The following BLOC1S1 variants were observed in gnomAD, a reference collection of about 807,000 sequenced individuals.
BLOC1S1 encodes biogenesis of lysosome-related organelles complex 1 subunit 1.
BLOC1S1 carries 11 observed loss-of-function variants against 19.0 expected under a neutral mutation model. That is an observed-to-expected ratio of 0.58 (90% CI 0.37 to 0.96). BLOC1S1 has a LOEUF of 0.96. BLOC1S1 is among the 40% of genes least tolerant of loss of function. The probability of loss-of-function intolerance (pLI) is 0.01; values close to 1 mark genes in which losing one functional copy is unlikely to be tolerated. For missense variants in BLOC1S1, 220 were observed against 195.9 expected (o/e 1.12, Z -0.73); for synonymous variants, 94 against 76.4 (o/e 1.23, Z -1.20).
At chr12:55,718,301 G>A (rs1876723987) in intron 2 of BLOC1S1, among the ~76,000 whole-genome samples, 1 of 152,186 alleles carries the variant, frequency 6.6e-6, no homozygotes, top group Admixed American at 6.5e-5. Context: ...TCTCCTGGCT[G>A]AGTAGAGCTC....
rs1345722437 is a variant in BLOC1S1, at chr12:55,716,047, G to A, written c.-5G>A. On this transcript the variant is annotated 5_prime_UTR_variant, in exon 1 of 4. In the 5' UTR this introduces an upstream ATG that the reference lacks. Coordinates refer to ENST00000548925, the MANE Select transcript of BLOC1S1 (RefSeq NM_001487.4). ...CAACCTCACGTGACACAGCGGTCAC[G>A]TGACATGGCCCCGGGGAGCCGAGGT... is the stretch of plus-strand genomic sequence containing the variant. 1.9e-6 allele frequency: 3 copies of A among 1,550,922 alleles called. No homozygotes were observed. Among genetic ancestry groups the A allele is most frequent in the East Asian group, 2.4e-5 (1 of 41,120 alleles).
chr12:55,718,988 G>A (rs1876773202), intron 2 of BLOC1S1, 103 bp from the exon 3 acceptor site: 2 of 1,447,160 alleles, frequency 1.4e-6, no homozygotes, highest in Admixed American at 4.8e-5. Flanking sequence ...AAAATTATGA[G>A]CCCTGATTCT....
At position 55,716,152 on chromosome 12, in the gene BLOC1S1, T is replaced by G; in HGVS notation, c.101T>G (p.Leu34Arg). The change falls in exon 1 of 4, where the codon CTA (leucine) becomes CGA (arginine). Residue 34 changes from leucine to arginine, a missense_variant. Physicochemically the swap from Leu to Arg is moderately radical, Grantham distance 102. Coordinates refer to ENST00000548925, the MANE Select transcript of BLOC1S1 (RefSeq NM_001487.4). ...QPDVTMLSRLLKEHQAKQNER... is the reference protein window; with the variant it reads ...QPDVTMLSRLRKEHQAKQNER... ...GACGTGACCATGCTGTCCCGCCTCC[T>G]AAAAGAACACCAGGCCAAGCAGAAT... is the stretch of plus-strand genomic sequence containing the variant. 6 of 1,612,454 alleles carry G rather than the reference T, an allele frequency of 3.7e-6. No individual in the cohort carries two copies. Among genetic ancestry groups the G allele is most frequent in the Non-Finnish European group, 5.1e-6 (6 of 1,179,282 alleles).
chr12:55,719,414 G>A (rs1876805428), intron 3 of BLOC1S1, 85 bp from the exon 4 acceptor site: 3 of 1,469,852 alleles, frequency 2.0e-6, no homozygotes, highest in Non-Finnish European at 2.9e-6. Context: ...TTTTCCAGGA[G>A]ATGAATAAAA....
intron 2 of BLOC1S1, among the ~76,000 whole-genome samples, chr12:55,717,230 T>G (rs1319260925): frequency 1.3e-5 from 2 of 152,150 alleles, no homozygotes; most frequent in African/African-American, 2.4e-5. Flanking sequence ...GCAGCCAGAT[T>G]TCCCCTTCCC....
chr12:55,716,816 A>G (rs1431001067), intron 1 of BLOC1S1, 117 bp from the exon 2 acceptor site: 1 of 1,274,764 alleles, frequency 7.8e-7, no homozygotes, highest in Non-Finnish European at 1.1e-6. Flanking sequence ...CGGCATTCAG[A>G]GATTAGTTAA....
At chr12:55,717,033 C>T (rs1229411390) in intron 2 of BLOC1S1, 28 bp downstream of exon 2, 4 of 1,544,984 alleles carry the variant, frequency 2.6e-6, no homozygotes, top group Non-Finnish European at 2.6e-6. Flanking sequence ...ACATCAGTTT[C>T]CTCCTTCCCC....
At chr12:55,718,381 A>C (rs1876728147) in intron 2 of BLOC1S1, among the ~76,000 whole-genome samples, 1 of 152,178 alleles carries the variant, frequency 6.6e-6, no homozygotes, top group South Asian at 2.1e-4. Context: ...GGGAGGGCAA[A>C]AAACACTGGC....
Position 55,716,104 on chromosome 12 carries a change from C to A in BLOC1S1, c.53C>A (p.Pro18His), listed in dbSNP as rs760836371. ...ERSSFRSRRG[P>H]GVPSPQPDVT... The stretch of plus-strand genomic sequence containing the variant: ...TCCAGCTTCCGGAGCCGGAGGGGGC[C>A]CGGCGTACCCAGCCCCCAGCCCGAC... The change falls in exon 1 of 4, where the codon CCC becomes CAC. Residue 18 changes from proline (P) to histidine (H), a missense_variant. By Grantham distance (77) the Pro-to-His change is moderately conservative. Transcript: ENST00000548925. 2.5e-6 allele frequency: 4 copies of A among 1,600,528 alleles called. No homozygotes were observed. In the African/African-American group the frequency reaches 5.4e-5, roughly 21 times the overall value.
chr12:55,716,129 C>A lies in BLOC1S1; in HGVS notation c.78C>A (p.Asp26Glu). ...CCGGCGTACCCAGCCCCCAGCCCGACGTGACCATGCTGTCCCGCCTCCTAA... is the reference window on the plus strand; with the variant it reads ...CCGGCGTACCCAGCCCCCAGCCCGAAGTGACCATGCTGTCCCGCCTCCTAA... ...RGPGVPSPQP[D>E]VTMLSRLLKE... The change falls in exon 1 of 4, where the codon GAC becomes GAA. Residue 26 changes from aspartate to glutamate, a missense_variant. By Grantham distance (45) the Asp-to-Glu change is conservative. Transcript: ENST00000548925. The A allele has an allele frequency of 6.2e-7, 1 of 1,610,804 alleles. No individual in the cohort carries two copies. Among genetic ancestry groups the A allele is most frequent in the Non-Finnish European group, 8.5e-7 (1 of 1,178,466 alleles).
chr12:55,716,660 AAG>A, intron 1 of BLOC1S1: 22 of 1,282,780 alleles, frequency 1.7e-5, no homozygotes, highest in Non-Finnish European at 2.2e-5. Flanking sequence ...GTAGTGGAGA[AAG>A]AGTGCCTGGG....
At position 55,719,599 on chromosome 12, in the gene BLOC1S1, C is replaced by T; in HGVS notation, c.452C>T (p.Ala151Val). The change falls in exon 4 of 4, where the codon GCC becomes GTC. Residue 151 changes from alanine to valine, a missense_variant. Physicochemically the swap from Ala to Val is moderately conservative, Grantham distance 64 (BLOSUM62 0). Transcript: ENST00000548925. ...GTCTACAAAGGGCAGCTGCAGTCTG[C>T]CCCTTCCTAGCCCCTGTTCCCTCCC... ...EYVYKGQLQS[A>V]PS The T allele has an allele frequency of 6.2e-7, 1 of 1,614,002 alleles. No individual in the cohort carries two copies.
intron 2 of BLOC1S1, among the ~76,000 whole-genome samples, chr12:55,718,456 G>A (rs1402207626): frequency 6.6e-6 from 1 of 151,962 alleles, no homozygotes; most frequent in African/African-American, 2.4e-5. Context: ...TGATTGAAAA[G>A]AAAAACTAGT....
At position 55,718,602 on chromosome 12, in the gene BLOC1S1, T is replaced by A. The variant is rs1876749385; in HGVS notation, c.219-489T>A. ...CCGAGAAGAAACCCCTGGGATACCC[T>A]CTTTTGACCCAGGGTTCCTGGGGAG... is the stretch of plus-strand genomic sequence containing the variant. On this transcript the variant is annotated intron_variant, in intron 2 of 3. Transcript: ENST00000548925. Among the ~76,000 whole-genome samples, 6 of 152,012 alleles carry A rather than the reference T, an allele frequency of 3.9e-5. No homozygotes were observed. The South Asian group carries it at 1.0e-3, about 26-fold the overall frequency.
At position 55,716,103 on chromosome 12, in the gene BLOC1S1, C is replaced by G. The variant is rs538559015; in HGVS notation, c.52C>G (p.Pro18Ala). Residue 18 changes from proline (P) to alanine (A), a missense_variant, in exon 1 of 4, where the codon CCC (proline) becomes GCC (alanine). Physicochemically the swap from Pro to Ala is conservative, Grantham distance 27. Coordinates refer to ENST00000548925, the MANE Select transcript of BLOC1S1 (RefSeq NM_001487.4). ...TTCCAGCTTCCGGAGCCGGAGGGGG[C>G]CCGGCGTACCCAGCCCCCAGCCCGA... ...ERSSFRSRRG[P>A]GVPSPQPDVT... 3.3e-5 allele frequency: 52 copies of G among 1,599,326 alleles called. No homozygotes were observed. In the East Asian group the frequency reaches 1.1e-3, roughly 33 times the overall value.
intron 2 of BLOC1S1, among the ~76,000 whole-genome samples, chr12:55,718,492 A>ATGTG (rs5798357): frequency 0.024 from 3,625 of 149,982 alleles, 144 homozygotes; most frequent in African/African-American, 0.077. Flanking sequence ...GAGGGAGAGC[A>ATGTG]TGTGTGTGTG....
intron 2 of BLOC1S1, among the ~76,000 whole-genome samples, chr12:55,718,184 C>G (rs992028011): frequency 1.3e-5 from 2 of 152,252 alleles, no homozygotes; most frequent in Admixed American, 6.5e-5. Context: ...AAGGCTCAGT[C>G]TATCTTGGCC....
At chr12:55,719,403 C>G in intron 3 of BLOC1S1, 96 bp from the exon 4 acceptor site, 1 of 1,458,150 alleles carries the variant, frequency 6.9e-7, no homozygotes, top group East Asian at 2.3e-5. Flanking sequence ...CAAGTAAAGC[C>G]TTTTCCAGGA....
rs780757055 is a variant in BLOC1S1 at position 55,716,222 on chromosome 12, T to C, written c.145+26T>C. 5.0e-6 allele frequency: 8 copies of C among 1,587,684 alleles called. No homozygotes were observed. The African/African-American group carries it at 9.5e-5, about 19-fold the overall frequency. On this transcript the variant is annotated intron_variant, in intron 1 of 3. Transcript: ENST00000548925. ...GTGAGCCAAATATCCTGTCGGCCGTTTTCTCTTCGGCCGCGGCCTAGCTTC... is the reference window on the plus strand; with the variant it reads ...GTGAGCCAAATATCCTGTCGGCCGTCTTCTCTTCGGCCGCGGCCTAGCTTC...
Sources: allele counts gnomAD v4.1 joint callset (sites outside exome capture counted in the v4.1 genomes callset), GRCh38; gene constraint gnomAD v4.1.1; transcripts MANE v1.5; gene names NCBI Gene and HGNC (gene_info 2026-07-23, HGNC 2026-07-21).